Variants in RNF17 observed in about 807,000 individuals in gnomAD.
RNF17 encodes the protein ring finger protein 17, also known as spermatogenesis associated 23.
RNF17 carries 31 observed loss-of-function variants against 200.5 expected under a neutral mutation model. The ratio of observed to expected loss-of-function variants is 0.15; its 90% CI spans 0.12 to 0.21. RNF17 has a LOEUF of 0.21. RNF17 is among the 10% of genes least tolerant of loss of function. The pLI, the probability that RNF17 is intolerant of heterozygous loss-of-function variation, is 1.00. For missense variants in RNF17, 1,628 were observed against 1,905.1 expected, an observed-to-expected ratio of 0.85 and a Z score of 2.71; for synonymous variants, 606 against 637.8, an observed-to-expected ratio of 0.95 and a Z score of 0.75.
At chr13:24,849,641 T>C (rs555654654) in intron 22 of RNF17, among the ~76,000 whole-genome samples, 3 of 152,342 alleles carry the variant, frequency 2.0e-5, no homozygotes, top group African/African-American at 7.2e-5. Context: ...CAGATATTTA[T>C]TGAGCATTTT....
the RNF17 span, among the ~76,000 whole-genome samples, chr13:24,750,331 A>G: frequency 6.6e-6 from 1 of 152,220 alleles, no homozygotes; most frequent in Admixed American, 6.5e-5. Flanking sequence ...TTTATACACT[A>G]TAGAATTTAT....
chr13:24,871,074 GTCA>G (rs1894200806), intron 32 of RNF17, among the ~76,000 whole-genome samples: 1 of 152,176 alleles, frequency 6.6e-6, no homozygotes, highest in East Asian at 1.9e-4. Context: ...GACCTTAATG[GTCA>G]TCATTTAAAT....
At chr13:24,777,275 T>G (rs1881702466) in intron 3 of RNF17, among the ~76,000 whole-genome samples, 1 of 152,242 alleles carries the variant, frequency 6.6e-6, no homozygotes, top group Non-Finnish European at 1.5e-5. Context: ...TAGTATTTTT[T>G]CTCTGTAACA....
chr13:24,790,372 T>C (rs1883693639), intron 9 of RNF17, among the ~76,000 whole-genome samples: 1 of 152,126 alleles, frequency 6.6e-6, no homozygotes, highest in Non-Finnish European at 1.5e-5. Context: ...TTAAAGACTT[T>C]GTATGCTGTC....
At chr13:24,876,893 C>T in intron 33 of RNF17, 104 bp from the exon 34 acceptor site, 1 of 926,840 alleles carries the variant, frequency 1.1e-6, no homozygotes, top group Non-Finnish European at 1.6e-6. Context: ...AAAAAAATCA[C>T]TGCAAAATCC....
chr13:24,883,898 C>G, downstream of RNF17: 1 of 1,607,036 alleles, frequency 6.2e-7, no homozygotes, highest in Non-Finnish European at 8.5e-7. Flanking sequence ...GCTGGGGCAC[C>G]TTCTGAGCAC....
chr13:24,885,635 G>C, the RNF17 span: 1 of 1,612,818 alleles, frequency 6.2e-7, no homozygotes, highest in South Asian at 1.1e-5. Context: ...CCTAAATCAC[G>C]AGGAGGTGCA....
At chr13:24,866,987 T>G (rs1893691819) in intron 30 of RNF17, among the ~76,000 whole-genome samples, 1 of 152,218 alleles carries the variant, frequency 6.6e-6, no homozygotes, top group South Asian at 2.1e-4. Context: ...GGCATATCAC[T>G]GTAGACTTGA....
At chr13:24,843,658 A>G (rs1890925532) in intron 19 of RNF17, 86 bp from the exon 20 acceptor site, 4 of 261,766 alleles carry the variant, frequency 1.5e-5, no homozygotes, top group Non-Finnish European at 2.4e-5. Flanking sequence ...TCATATAAGT[A>G]TCATCACAGT....
chr13:24,844,086 CTAAG>C (rs758919940), intron 20 of RNF17, 115 bp downstream of exon 20: 62 of 376,828 alleles, frequency 1.6e-4, no homozygotes, highest in Middle Eastern at 7.3e-4. Context: ...ATTATTTTAA[CTAAG>C]TAGTCTCAGC....
At chr13:24,799,927 A>G (rs1885040302) in intron 12 of RNF17, among the ~76,000 whole-genome samples, 1 of 152,136 alleles carries the variant, frequency 6.6e-6, no homozygotes, top group Admixed American at 6.5e-5. Context: ...AATTTCATTA[A>G]TGTTTTTCAA....
intron 15 of RNF17, among the ~76,000 whole-genome samples, chr13:24,823,318 C>T (rs184633179): frequency 2.0e-5 from 3 of 152,308 alleles, no homozygotes; most frequent in Admixed American, 6.5e-5. Flanking sequence ...ATGATCTGCC[C>T]GCCTCAGCTT....
At chr13:24,772,675 A>G (rs990172621) in intron 2 of RNF17, among the ~76,000 whole-genome samples, 1 of 151,068 alleles carries the variant, frequency 6.6e-6, no homozygotes, top group African/African-American at 2.4e-5. Context: ...CAGTGGCGCC[A>G]TCTCAGCTCA....
chr13:24,864,906 A>G lies in RNF17; in HGVS notation c.4009A>G (p.Ile1337Val), dbSNP rs148493557. 9.0e-6 allele frequency: 14 copies of G among 1,557,242 alleles called. No homozygotes were observed. Among genetic ancestry groups the G allele is most frequent in the Admixed American group, 1.8e-5 (1 of 55,362 alleles). The part of the protein sequence containing the change: ...LPKNPWEKLS[I>V]HLYFDGMSLS... ...TAAAAATCCATGGGAGAAATTGTCT[A>G]TTCACCTCTATTTTGATGGAATGTC... Residue 1337 changes from isoleucine (I) to valine (V), a missense_variant, in exon 29 of 36, where the codon ATT (isoleucine) becomes GTT (valine). Ile to Val is a conservative substitution (Grantham distance 29, BLOSUM62 3). Around this residue, in one of 5 missense-constraint regions of RNF17, gnomAD observed 609 missense variants for 681.9 expected, o/e 0.89. Coordinates refer to ENST00000255324, the MANE Select transcript of RNF17 (RefSeq NM_031277.3).
intron 1 of RNF17, among the ~76,000 whole-genome samples, chr13:24,764,583 G>A (rs1255449722): frequency 6.6e-6 from 1 of 152,226 alleles, no homozygotes; most frequent in Admixed American, 6.5e-5. Context: ...CCCTCCAGCC[G>A]GGAGGATGGG....
At chr13:24,805,920 G>T (rs576749144) in intron 15 of RNF17, among the ~76,000 whole-genome samples, 5 of 150,670 alleles carry the variant, frequency 3.3e-5, no homozygotes, top group African/African-American at 1.2e-4. Flanking sequence ...TTTAAGTTCT[G>T]GGATACATGT....
chr13:24,851,434 C>A, intron 23 of RNF17, 22 bp from the exon 24 acceptor site: 1 of 1,502,752 alleles, frequency 6.7e-7, no homozygotes, highest in Non-Finnish European at 9.2e-7. Flanking sequence ...TTCATATTTA[C>A]TCTGCTCTTA....
intron 14 of RNF17, among the ~76,000 whole-genome samples, chr13:24,803,576 G>A (rs1312782270): frequency 6.6e-6 from 1 of 152,164 alleles, no homozygotes; most frequent in East Asian, 1.9e-4. Context: ...GAGCCACAGT[G>A]CCTAGGCTGT....
chr13:24,873,534 C>T (rs760082393), intron 32 of RNF17, among the ~76,000 whole-genome samples: 25 of 152,224 alleles, frequency 1.6e-4, no homozygotes, highest in South Asian at 1.0e-3. Context: ...TTCATCACCT[C>T]GAGCAGTTAT....
Sources: gnomAD v4.1 joint callset for allele counts (sites outside exome capture counted in the v4.1 genomes callset) on GRCh38, gnomAD v4.1.1 for gene constraint, gnomAD v4.1.1 regional missense constraint, MANE v1.5 for transcripts, NCBI Gene and HGNC (gene_info 2026-07-23, HGNC 2026-07-21) for gene names.